The following ADARB2 variants were observed in gnomAD, a reference collection of about 807,000 sequenced individuals.
ADARB2 encodes inactive double-stranded RNA-specific editase B2.
ADARB2 carries 25 observed loss-of-function variants against 62.2 expected under a neutral mutation model. The ratio of observed to expected loss-of-function variants is 0.40; its 90% CI spans 0.29 to 0.56. The LOEUF (loss-of-function observed/expected upper bound fraction) is 0.56. ADARB2 is among the 20% of genes least tolerant of loss of function. The pLI is 0.43. For synonymous variants in ADARB2, 572 were observed against 500.8 expected, an observed-to-expected ratio of 1.14 and a Z score of -1.90; for missense variants, 1,071 against 1,077.4, an observed-to-expected ratio of 0.99 and a Z score of 0.08.
chr10:1,379,746 C>T (rs1271367878), intron 1 of ADARB2, among the ~76,000 whole-genome samples: 1 of 152,136 alleles, frequency 6.6e-6, no homozygotes, highest in African/African-American at 2.4e-5. Flanking sequence ...GTCCTCAACG[C>T]GGTGGCTGGA....
chr10:1,477,849 T>C lies in ADARB2; in HGVS notation c.101-98689A>G, dbSNP rs1039315479. Among the ~76,000 whole-genome samples the C allele has an allele frequency of 6.6e-6, 1 of 152,152 alleles. No homozygotes were observed. Among genetic ancestry groups the C allele is most frequent in the Admixed American group, 6.5e-5 (1 of 15,280 alleles). On this transcript the variant is annotated intron_variant, in intron 1 of 9. Coordinates refer to ENST00000381312, the MANE Select transcript of ADARB2 (RefSeq NM_018702.4). This position sits in a 1 kb window ranked among gnomAD's most constrained non-coding sequence, Gnocchi z 4.5. ...CTTTAACAATCCTGTGGCGGGCAGG[T>C]GCCTCCCCAGAACGCTTCTCACAGG...
intron 1 of ADARB2, among the ~76,000 whole-genome samples, chr10:1,437,002 T>C (rs1355829227): frequency 2.0e-5 from 3 of 152,210 alleles, no homozygotes; most frequent in Non-Finnish European, 4.4e-5. Context: ...ACACATTCTG[T>C]TCACCTGAAG....
intron 1 of ADARB2, among the ~76,000 whole-genome samples, chr10:1,510,446 T>C (rs1290542226): frequency 2.0e-5 from 3 of 151,938 alleles, no homozygotes. Context: ...CATCCCAAAG[T>C]GTTGGGATGA....
chr10:1,518,691 A>G (rs1382475717), intron 1 of ADARB2, among the ~76,000 whole-genome samples: 82 of 150,562 alleles, frequency 5.4e-4, no homozygotes, highest in Non-Finnish European at 7.5e-4. Flanking sequence ...TCTGTACACA[A>G]AGTGGTCATA....
In ADARB2 at chr10:1,184,997, G is replaced by C. The variant is rs201553265; in HGVS notation, c.1907C>G (p.Pro636Arg). 6.2e-7 allele frequency: 1 copy of C among 1,613,568 alleles called. No homozygotes were observed. Among genetic ancestry groups the C allele is most frequent in the Admixed American group, 1.7e-5 (1 of 60,020 alleles). The stretch of plus-strand genomic sequence containing the variant: ...GCCCACGACCCAGTTCATGCTGAAG[G>C]GGGGCGACTTCCCCGGCTGGCGCGC... The part of the protein sequence containing the change: ...AEARQPGKSP[P>R]FSMNWVVGSA... Residue 636 changes from proline to arginine, a missense_variant, in exon 9 of 10, where the codon CCC becomes CGC. Pro to Arg is a moderately radical substitution (Grantham distance 103). Transcript: ENST00000381312.
intron 1 of ADARB2, among the ~76,000 whole-genome samples, chr10:1,480,121 C>T (rs775630681): frequency 6.6e-6 from 1 of 151,988 alleles, no homozygotes; most frequent in Non-Finnish European, 1.5e-5. Context: ...AGCTTTTCCT[C>T]TAGAACAGGA....
chr10:1,384,565 C>T (rs2387660), intron 1 of ADARB2, among the ~76,000 whole-genome samples: 58,059 of 151,962 alleles, frequency 0.38, 11,651 homozygotes, highest in Non-Finnish European at 0.45. Context: ...ATGAAACAAC[C>T]GTTTTCAGAG....
At chr10:1,509,994 CTCTT>C (rs956592433) in intron 1 of ADARB2, among the ~76,000 whole-genome samples, 14 of 151,952 alleles carry the variant, frequency 9.2e-5, no homozygotes, top group South Asian at 2.1e-4. Context: ...CTTTCTTTTT[CTCTT>C]TCTTTCTTTT....
intron 1 of ADARB2, among the ~76,000 whole-genome samples, chr10:1,718,812 C>T: frequency 6.6e-6 from 1 of 152,182 alleles, no homozygotes; most frequent in East Asian, 1.9e-4. Flanking sequence ...GTTCTTGTGG[C>T]TGGGACTGTC....
At position 1,200,156 on chromosome 10, in the gene ADARB2, A is replaced by C; in HGVS notation, c.1683-9T>G. 1 of 1,550,166 alleles carries C rather than the reference A, an allele frequency of 6.5e-7. No homozygotes were observed. Among genetic ancestry groups the C allele is most frequent in the African/African-American group, 1.4e-5 (1 of 73,162 alleles). Reference sequence around the variant, plus strand: ...GCCCCAGGACGTTCCACCTGTGGGGAGAGCCAGCAGTCAGCGGAGCCCCAC... The same window carrying C: ...GCCCCAGGACGTTCCACCTGTGGGGCGAGCCAGCAGTCAGCGGAGCCCCAC... On this transcript the variant is annotated splice_polypyrimidine_tract_variant and intron_variant, in intron 7 of 9. Transcript: ENST00000381312.
Position 1,704,888 on chromosome 10 carries a change from A to G in ADARB2, c.100+32163T>C, listed in dbSNP as rs1834868955. On this transcript the variant is annotated intron_variant, in intron 1 of 9. Transcript: ENST00000381312. This position sits in a 1 kb window ranked among gnomAD's most constrained non-coding sequence, Gnocchi z 5.6. Reference sequence around the variant, plus strand: ...TCACTGAGGAGCCCAGCAGTTTATCATTTGAGCAGGAAAAGGGTGCAGGGG... The same window carrying G: ...TCACTGAGGAGCCCAGCAGTTTATCGTTTGAGCAGGAAAAGGGTGCAGGGG... Among the ~76,000 whole-genome samples the G allele has an allele frequency of 6.6e-6, 1 of 152,146 alleles. No homozygotes were observed.
chr10:1,316,179 C>T (rs565251628), intron 3 of ADARB2, among the ~76,000 whole-genome samples: 1 of 152,250 alleles, frequency 6.6e-6, no homozygotes, highest in African/African-American at 2.4e-5. Flanking sequence ...GATGCTCCCA[C>T]TTGCCGTTTA....
chr10:1,442,437 C>G (rs1302368597), intron 1 of ADARB2, among the ~76,000 whole-genome samples: 1 of 152,104 alleles, frequency 6.6e-6, no homozygotes, highest in Non-Finnish European at 1.5e-5. Flanking sequence ...GAGCTCAAAC[C>G]ACAGGCCTGC....
At chr10:1,674,806 C>T (rs531767115) in intron 1 of ADARB2, among the ~76,000 whole-genome samples, 9 of 152,304 alleles carry the variant, frequency 5.9e-5, no homozygotes, top group Admixed American at 3.9e-4. Flanking sequence ...TCATTCAAGT[C>T]GGAAAGCCCC....
intron 2 of ADARB2, among the ~76,000 whole-genome samples, chr10:1,374,127 T>G (rs531474443): frequency 6.6e-6 from 1 of 152,324 alleles, no homozygotes; most frequent in African/African-American, 2.4e-5. Context: ...ATGAGGCATC[T>G]GTGAACTGTG....
chr10:1,337,062 CTG>C (rs145511384), intron 3 of ADARB2, among the ~76,000 whole-genome samples: 120 of 142,124 alleles, frequency 8.4e-4, no homozygotes, highest in Middle Eastern at 7.2e-3. Context: ...TTAAAGATTT[CTG>C]TGTGTGTGTG....
At chr10:1,547,046 C>T (rs61831943) in intron 1 of ADARB2, among the ~76,000 whole-genome samples, 48,354 of 152,136 alleles carry the variant, frequency 0.32, 8,621 homozygotes, top group Non-Finnish European at 0.4. Flanking sequence ...TCGTCGAGAG[C>T]GGGACGCGGG....
At chr10:1,275,658 T>TC in intron 3 of ADARB2, among the ~76,000 whole-genome samples, 1 of 46,586 alleles carries the variant, frequency 2.1e-5, no homozygotes, top group Admixed American at 3.1e-4. Flanking sequence ...CCCTCCCCCC[T>TC]CCCCCCACCC....
intron 6 of ADARB2, among the ~76,000 whole-genome samples, chr10:1,218,772 C>T (rs567583081): frequency 6.6e-5 from 10 of 152,108 alleles, no homozygotes; most frequent in African/African-American, 1.2e-4. Flanking sequence ...CAGCCGGGCA[C>T]GGTGGCTCAC....
Sources: allele counts gnomAD v4.1 joint callset (sites outside exome capture counted in the v4.1 genomes callset), GRCh38; gene constraint gnomAD v4.1.1; non-coding constraint Gnocchi (gnomAD v3.1); transcripts MANE v1.5; gene names NCBI Gene and HGNC (gene_info 2026-07-23, HGNC 2026-07-21).